DENND2B: variants seen among roughly 807,000 people sequenced by gnomAD.
DENND2B encodes the protein DENN domain-containing protein 2B.
Under a neutral mutation model 116.0 loss-of-function variants are expected in DENND2B, and 32 were observed. The observed-to-expected ratio is 0.28, with a 90% confidence interval of 0.21 to 0.37. The LOEUF is 0.37. DENND2B is among the 10% of genes least tolerant of loss of function. DENND2B has a pLI of 1.00. For synonymous variants in DENND2B, 588 were observed against 583.9 expected, an observed-to-expected ratio of 1.01 and a Z score of -0.10; for missense variants, 1,276 against 1,477.7, an observed-to-expected ratio of 0.86 and a Z score of 2.24.
intron 13 of DENND2B, chr11:8,703,717 G>C (rs1253919594): frequency 2.0e-5 from 3 of 152,212 alleles, no homozygotes; most frequent in Admixed American, 1.3e-4. Context: ...CAGAGTCTAA[G>C]CAAATGAAGG....
At chr11:8,875,763 G>A (rs963200075), upstream of DENND2B, among the ~76,000 whole-genome samples, 2 of 151,798 alleles carry the variant, frequency 1.3e-5, no homozygotes, top group African/African-American at 2.4e-5. Context: ...TTTATATGTA[G>A]GTAAGATATA....
At chr11:8,716,670 C>T (rs2044873738) in intron 5 of DENND2B, among the ~76,000 whole-genome samples, 3 of 148,574 alleles carry the variant, frequency 2.0e-5, no homozygotes, top group South Asian at 2.1e-4. Context: ...TTTTTTGAGA[C>T]GGAGTCTCGC....
chr11:8,905,242 A>G (rs2064221302), intron 1 of DENND2B, among the ~76,000 whole-genome samples: 1 of 152,198 alleles, frequency 6.6e-6, no homozygotes, highest in Non-Finnish European at 1.5e-5. Flanking sequence ...TAACTCTTAC[A>G]TTTATGGTGA....
In DENND2B at chr11:8,712,735, G is replaced by T; in HGVS notation, c.1988C>A (p.Ala663Asp). ...GATGTGGACCAGGCGCTGTGTGTGG[G>T]CTGGAGGCAGGTTGCACATCAGGGA... is the stretch of plus-strand genomic sequence containing the variant. ...SESDSDDRFK[A>D]HTQRLVHIQS... The change falls in exon 9 of 20, where the codon GCC becomes GAC. Residue 663 changes from alanine to aspartate, a missense_variant and splice_region_variant. This residue lies in a region of DENND2B where 420 missense variants were observed against 631.1 expected (regional missense o/e 0.67). Coordinates refer to ENST00000313726, the MANE Select transcript of DENND2B (RefSeq NM_213618.2). This position sits in a 1 kb window ranked among gnomAD's most constrained non-coding sequence, Gnocchi z 4.4. The T allele has an allele frequency of 6.2e-7, 1 of 1,607,232 alleles. No individual in the cohort carries two copies. The highest frequency in any genetic ancestry group is 8.5e-7 in the Non-Finnish European group (1 of 1,176,420).
At chr11:8,783,189 G>C (rs766438175) in intron 1 of DENND2B, among the ~76,000 whole-genome samples, 2 of 151,666 alleles carry the variant, frequency 1.3e-5, no homozygotes, top group African/African-American at 4.8e-5. Context: ...TGAAAAGCTG[G>C]GACTACAGGC....
chr11:8,717,816 C>T lies in DENND2B; in HGVS notation c.1554G>A (p.Leu518=). 7 of 1,613,422 alleles carry T rather than the reference C, an allele frequency of 4.3e-6. No individual in the cohort carries two copies. The highest frequency in any genetic ancestry group is 5.1e-6 in the Non-Finnish European group (6 of 1,179,540). ...GCAAAGAGTCCAAGGAGTTCTCAGA[C>T]AGTTGCTGGGATTTTCGTCCTGCTC... is the stretch of plus-strand genomic sequence containing the variant. ...SRRAGRKSQQ[L]SENSLDSLHR... The change falls in exon 5 of 20, where the codon CTG becomes CTA. Residue 518 remains leucine, a synonymous_variant. Transcript: ENST00000313726.
rs867096721 is a variant in DENND2B, at chr11:8,730,820, G to A, written c.470C>T (p.Thr157Ile). 4 of 1,613,050 alleles carry A rather than the reference G, an allele frequency of 2.5e-6. No individual in the cohort carries two copies. Among genetic ancestry groups the A allele is most frequent in the Middle Eastern group, 1.6e-4 (1 of 6,082 alleles). The stretch of plus-strand genomic sequence containing the variant: ...CCGGATGCCCAGGCTGTGGGCGCGG[G>A]TACCGGTACGGGTCAGCAAGACGCC... ...PRGVLLTRTG[T>I]RAHSLGIREK... Residue 157 changes from threonine to isoleucine, a missense_variant, in exon 3 of 20, where the codon ACC (threonine) becomes ATC (isoleucine). Physicochemically the swap from Thr to Ile is moderately conservative, Grantham distance 89. Coordinates refer to ENST00000313726, the MANE Select transcript of DENND2B (RefSeq NM_213618.2). This position sits in a 1 kb window ranked among gnomAD's most constrained non-coding sequence, Gnocchi z 4.1.
At chr11:8,858,391 G>C (rs2063270261) in intron 2 of DENND2B, among the ~76,000 whole-genome samples, 2 of 152,082 alleles carry the variant, frequency 1.3e-5, no homozygotes, top group African/African-American at 4.8e-5. Context: ...GGGGATTAAA[G>C]AGTGACTCGG....
At chr11:8,810,191 T>C (rs2061268360) in intron 1 of DENND2B, 1 of 152,006 alleles carries the variant, frequency 6.6e-6, no homozygotes, top group Non-Finnish European at 1.5e-5. Context: ...GGAGTGATGT[T>C]AACTCAGATT....
At chr11:8,776,146 G>GCGCACACACACACACA (rs746605997) in intron 1 of DENND2B, 191 of 292,312 alleles carry the variant, frequency 6.5e-4, no homozygotes, top group African/African-American at 5.7e-3. Context: ...GCACGTGCGC[G>GCGCACACACACACACA]CACGCGCGCG....
At chr11:8,870,397 C>G (rs966583729) in intron 2 of DENND2B, among the ~76,000 whole-genome samples, 1 of 152,034 alleles carries the variant, frequency 6.6e-6, no homozygotes, top group Non-Finnish European at 1.5e-5. Flanking sequence ...TGCACAAGGG[C>G]AAAAAGTGAA....
At chr11:8,907,368 AT>A in intron 1 of DENND2B, among the ~76,000 whole-genome samples, 1 of 152,204 alleles carries the variant, frequency 6.6e-6, no homozygotes, top group Non-Finnish European at 1.5e-5. Flanking sequence ...AAGGGGCCTG[AT>A]GGTAGGTCAT....
chr11:8,853,553 A>G (rs1162442439), intron 3 of DENND2B, among the ~76,000 whole-genome samples: 1 of 152,214 alleles, frequency 6.6e-6, no homozygotes, highest in Non-Finnish European at 1.5e-5. Context: ...CCTGGCCTAA[A>G]GTATTTTGTT....
intron 1 of DENND2B, among the ~76,000 whole-genome samples, chr11:8,761,935 C>G (rs977067221): frequency 1.3e-5 from 2 of 152,164 alleles, no homozygotes; most frequent in Non-Finnish European, 2.9e-5. Context: ...GTACTCAGAG[C>G]CCAGTGCTAC....
In DENND2B at chr11:8,750,768, G is replaced by T. The variant is rs2052252542; in HGVS notation, c.-25-43C>A. The T allele has an allele frequency of 2.5e-6, 4 of 1,583,450 alleles. No homozygotes were observed. In the East Asian group the frequency reaches 9.0e-5, roughly 35 times the overall value. The stretch of plus-strand genomic sequence containing the variant: ...CCGGTAAGCCAAGTTTCTATAGGCA[G>T]CCAAAAGCACCTTGAACATCTTCCA... On this transcript the variant is annotated intron_variant, in intron 1 of 19. Coordinates refer to ENST00000313726, the MANE Select transcript of DENND2B (RefSeq NM_213618.2).
intron 14 of DENND2B, among the ~76,000 whole-genome samples, chr11:8,701,147 A>T (rs978639007): frequency 4.6e-5 from 7 of 152,330 alleles, no homozygotes; most frequent in Non-Finnish European, 7.3e-5. Flanking sequence ...TCTTAGAGCC[A>T]GGCAGGCAAC....
intron 4 of DENND2B, among the ~76,000 whole-genome samples, chr11:8,825,508 G>A (rs1196450170): frequency 6.6e-6 from 1 of 151,924 alleles, no homozygotes; most frequent in African/African-American, 2.4e-5. Flanking sequence ...GTTCATCAGG[G>A]ATGTTGCCCT....
chr11:8,759,777 A>C (rs963711701), intron 1 of DENND2B, among the ~76,000 whole-genome samples: 5 of 152,180 alleles, frequency 3.3e-5, no homozygotes, highest in African/African-American at 1.2e-4. Flanking sequence ...CCTTCTTGCC[A>C]ACTCCTTCCT....
Position 8,715,797 on chromosome 11 carries a change from G to C in DENND2B, c.1651C>G (p.Gln551Glu), listed in dbSNP as rs201145652. ...PTQLSLKPNS[Q>E]SLRSGNWSER... ...GACCAGTTCCCACTGCGCAGGGACT[G>C]GCTGTTGGGTTTCAGGGAAAGCTGG... The change falls in exon 6 of 20, where the codon CAG becomes GAG. Residue 551 changes from glutamine (Q) to glutamate (E), a missense_variant. Physicochemically the swap from Gln to Glu is conservative, Grantham distance 29. Transcript: ENST00000313726. The C allele has an allele frequency of 3.7e-6, 6 of 1,603,976 alleles. No individual in the cohort carries two copies. The highest frequency in any genetic ancestry group is 2.2e-5 in the East Asian group (1 of 44,598).
Sources: allele counts gnomAD v4.1 joint callset (sites outside exome capture counted in the v4.1 genomes callset), GRCh38; gene constraint gnomAD v4.1.1; regional missense constraint gnomAD v4.1.1; non-coding constraint Gnocchi (gnomAD v3.1); transcripts MANE v1.5; gene names NCBI Gene and HGNC (gene_info 2026-07-23, HGNC 2026-07-21).